The following ANKS3 variants were observed in gnomAD, a reference collection of about 807,000 sequenced individuals.
ANKS3 encodes the protein ankyrin repeat and SAM domain-containing protein 3.
ANKS3 carries 62 observed loss-of-function variants against 80.7 expected under a neutral mutation model. The ratio of observed to expected loss-of-function variants is 0.77; its 90% CI spans 0.63 to 0.95. ANKS3 has a LOEUF of 0.95. ANKS3 is among the 40% of genes least tolerant of loss of function. The probability of loss-of-function intolerance (pLI) is 0.00; values close to 1 mark genes in which losing one functional copy is unlikely to be tolerated. For missense variants in ANKS3, 1,150 were observed against 883.6 expected (o/e 1.30, Z -3.82); for synonymous variants, 489 against 355.3 (o/e 1.38, Z -4.23).
chr16:4,730,205 T>C (rs2081548073), intron 2 of ANKS3, 54 bp from the exon 3 acceptor site: 2 of 1,422,666 alleles, frequency 1.4e-6, no homozygotes, highest in East Asian at 2.6e-5. Context: ...TTCCAGGGCA[T>C]GAAACAGGCT....
At chr16:4,721,897 A>G (rs886127143) in intron 6 of ANKS3, among the ~76,000 whole-genome samples, 9 of 151,230 alleles carry the variant, frequency 6.0e-5, no homozygotes, top group African/African-American at 9.7e-5. Flanking sequence ...TGGCCTCTCA[A>G]AGTGCTGGGA....
At chr16:4,711,043 C>A (rs1346522728) in intron 7 of ANKS3, among the ~76,000 whole-genome samples, 5 of 151,838 alleles carry the variant, frequency 3.3e-5, no homozygotes, top group African/African-American at 9.7e-5. Flanking sequence ...CACGCCTCAG[C>A]CTCCCAAAGT....
intron 5 of ANKS3, among the ~76,000 whole-genome samples, chr16:4,726,232 T>G (rs2081344325): frequency 6.6e-6 from 1 of 152,096 alleles, no homozygotes; most frequent in South Asian, 2.1e-4. Flanking sequence ...TACCTCGGCC[T>G]CCCAAAGAGC....
chr16:4,700,847 G>A, intron 11 of ANKS3, 123 bp downstream of exon 11: 2 of 1,307,202 alleles, frequency 1.5e-6, no homozygotes, highest in East Asian at 2.3e-5. Context: ...ACAGGCCATG[G>A]GGATGCCACC....
Position 4,696,752 on chromosome 16 carries a change from T to A in ANKS3, c.*156A>T. The A allele has an allele frequency of 1.9e-6, 1 of 537,136 alleles. No homozygotes were observed. The highest frequency in any genetic ancestry group is 3.4e-6 in the Non-Finnish European group (1 of 296,876). The allele number at this position is 537,136 out of a possible 1,614,324, so 33.3% of individuals were successfully genotyped here. A position where few individuals can be genotyped will look rare whatever the true frequency, so the allele number is the denominator to read the frequency against. On this transcript the variant is annotated 3_prime_UTR_variant, in exon 18 of 18. Transcript: ENST00000304283. ...TGCCGAGCCAGGGCCGCAGCCCCCG[T>A]CTTGCCTCTGTCTGCCGGCTGCTCC...
rs371052439 is a variant in ANKS3, at chr16:4,702,074, C to T, written c.1009+28G>A. On this transcript the variant is annotated intron_variant, in intron 9 of 17. Transcript: ENST00000304283. ...GGAGCTCCAGGACCTGCCTGAGCCACGGGCCGGATGGGTGGGGGTGCACGT... is the reference window on the plus strand; with the variant it reads ...GGAGCTCCAGGACCTGCCTGAGCCATGGGCCGGATGGGTGGGGGTGCACGT... 1.0e-4 allele frequency: 158 copies of T among 1,548,384 alleles called. 1 individual carries two copies. The East Asian group carries it at 1.5e-3, about 15-fold the overall frequency.
intron 7 of ANKS3, among the ~76,000 whole-genome samples, chr16:4,712,244 G>A (rs1353325646): frequency 3.9e-5 from 6 of 152,070 alleles, no homozygotes; most frequent in African/African-American, 1.2e-4. Context: ...AGTGGTGCAC[G>A]CCTGTGATCC....
intron 8 of ANKS3, among the ~76,000 whole-genome samples, chr16:4,702,485 T>C (rs1472916754): frequency 6.6e-6 from 1 of 152,196 alleles, no homozygotes; most frequent in African/African-American, 2.4e-5. Flanking sequence ...GCCCTCTCCA[T>C]TTCTTTTCCA....
At chr16:4,697,914 C>G (rs1219731041) in intron 15 of ANKS3, 63 bp downstream of exon 15, 48 of 1,407,904 alleles carry the variant, frequency 3.4e-5, no homozygotes, top group Non-Finnish European at 4.3e-5. Context: ...CTGGGTCAAA[C>G]CTGGCTTCAG....
chr16:4,697,905 T>G (rs1276985858), intron 15 of ANKS3, 72 bp downstream of exon 15: 1 of 1,356,846 alleles, frequency 7.4e-7, no homozygotes. Flanking sequence ...CCAAGCCCAC[T>G]GGGTCAAACC....
Position 4,701,524 on chromosome 16 carries a change from G to C in ANKS3, c.1029C>G (p.Ala343=). The change falls in exon 10 of 18, where the codon GCC becomes GCG. Residue 343 remains alanine (A), a synonymous_variant. Coordinates refer to ENST00000304283, the MANE Select transcript of ANKS3 (RefSeq NM_133450.4). The part of the protein sequence containing the change: ...SSSREEHAFC[A]NLGPVQSSSS... The stretch of plus-strand genomic sequence containing the variant: ...TGCTGCTCTGGACGGGCCCCAGGTT[G>C]GCACAGAAAGCATGTTCCTCTGAGG... The C allele has an allele frequency of 6.2e-7, 1 of 1,611,118 alleles. No homozygotes were observed. The highest frequency in any genetic ancestry group is 8.5e-7 in the Non-Finnish European group (1 of 1,178,584).
chr16:4,731,856 T>G (rs1319014093), intron 1 of ANKS3, among the ~76,000 whole-genome samples: 1 of 151,768 alleles, frequency 6.6e-6, no homozygotes, highest in Non-Finnish European at 1.5e-5. Flanking sequence ...ACACCAGGAA[T>G]CCCCAAATCA....
chr16:4,720,149 A>G (rs1223431895), intron 6 of ANKS3, among the ~76,000 whole-genome samples: 3 of 130,206 alleles, frequency 2.3e-5, no homozygotes, highest in South Asian at 2.6e-4. Flanking sequence ...GGGACAGAGC[A>G]AGACCCCACC....
intron 6 of ANKS3, among the ~76,000 whole-genome samples, chr16:4,723,619 C>A (rs1288090069): frequency 6.6e-6 from 1 of 152,240 alleles, no homozygotes; most frequent in Non-Finnish European, 1.5e-5. Flanking sequence ...ACCCCTGCCG[C>A]AGCATGCAGC....
intron 6 of ANKS3, among the ~76,000 whole-genome samples, 190 bp downstream of exon 6, chr16:4,724,560 T>C (rs2081260981): frequency 6.6e-6 from 1 of 152,242 alleles, no homozygotes; most frequent in Non-Finnish European, 1.5e-5. Flanking sequence ...TGTCTATTTC[T>C]ACTCACCACT....
At chr16:4,708,123 AT>A (rs200891713) in intron 7 of ANKS3, among the ~76,000 whole-genome samples, 2,333 of 44,306 alleles carry the variant, frequency 0.053, 16 homozygotes, top group Non-Finnish European at 0.073. Context: ...TGAAAAAAAT[AT>A]ATATATATAT....
intron 7 of ANKS3, among the ~76,000 whole-genome samples, chr16:4,711,852 G>C (rs1436495650): frequency 6.6e-6 from 1 of 151,998 alleles, no homozygotes; most frequent in Non-Finnish European, 1.5e-5. Flanking sequence ...GAAAGTATGA[G>C]GAGGCCAATC....
At chr16:4,696,948 C>G (rs899451500) in intron 17 of ANKS3, 52 bp from the exon 18 acceptor site, 3 of 1,482,158 alleles carry the variant, frequency 2.0e-6, no homozygotes, top group East Asian at 2.3e-5. Context: ...GGTGCATACC[C>G]ACACCTGCAG....
At chr16:4,700,247 C>G (rs149147963) in intron 11 of ANKS3, 2,436 of 153,788 alleles carry the variant, frequency 0.016, 32 homozygotes, top group Non-Finnish European at 0.025. Context: ...GAAATCCCGT[C>G]TCTACTAAAA....
Sources: allele counts gnomAD v4.1 joint callset (sites outside exome capture counted in the v4.1 genomes callset), GRCh38; gene constraint gnomAD v4.1.1; transcripts MANE v1.5; gene names NCBI Gene and HGNC (gene_info 2026-07-23, HGNC 2026-07-21).